GPR158: variants seen among roughly 807,000 people sequenced by gnomAD.
GPR158 encodes G protein-coupled receptor 158.
GPR158 carries 30 observed loss-of-function variants against 78.2 expected under a neutral mutation model. The ratio of observed to expected loss-of-function variants is 0.38; its 90% CI spans 0.29 to 0.52. GPR158 has a LOEUF of 0.52. Ranked by LOEUF, GPR158 falls within the 20% of genes least tolerant of loss-of-function variation. The pLI, the probability that GPR158 is intolerant of heterozygous loss-of-function variation, is 0.83. For missense variants in GPR158, 1,463 were observed against 1,523.5 expected, an observed-to-expected ratio of 0.96 and a Z score of 0.66; for synonymous variants, 581 against 591.1, an observed-to-expected ratio of 0.98 and a Z score of 0.25.
chr10:25,510,378 T>A (rs1286741057), intron 5 of GPR158, among the ~76,000 whole-genome samples: 3 of 152,204 alleles, frequency 2.0e-5, no homozygotes, highest in African/African-American at 2.4e-5. Context: ...GAGCTTCACA[T>A]TTTAATAGAA....
intron 1 of GPR158, among the ~76,000 whole-genome samples, chr10:25,210,389 G>GA (rs1853111158): frequency 6.6e-6 from 1 of 152,126 alleles, no homozygotes; most frequent in Non-Finnish European, 1.5e-5. Context: ...AAATCCAAAA[G>GA]CAGGATTTCT....
chr10:25,258,913 C>A (rs1401187205), intron 2 of GPR158, among the ~76,000 whole-genome samples: 1 of 151,872 alleles, frequency 6.6e-6, no homozygotes, highest in Non-Finnish European at 1.5e-5. Context: ...TATTATATAC[C>A]GTATGCATAT....
chr10:25,191,005 T>C (rs538828183), intron 1 of GPR158, among the ~76,000 whole-genome samples: 1 of 152,346 alleles, frequency 6.6e-6, no homozygotes, highest in African/African-American at 2.4e-5. Context: ...AGGTAAACTT[T>C]TAGGATGGTT....
chr10:25,205,266 G>T (rs1853007049), intron 1 of GPR158, among the ~76,000 whole-genome samples: 1 of 144,676 alleles, frequency 6.9e-6, no homozygotes, highest in African/African-American at 2.7e-5. Context: ...TGTTTATTTG[G>T]ATCTTCTCTT....
intron 5 of GPR158, among the ~76,000 whole-genome samples, chr10:25,532,475 G>T (rs1836437464): frequency 6.6e-6 from 1 of 151,896 alleles, no homozygotes; most frequent in African/African-American, 2.4e-5. Flanking sequence ...GAATTCTTCT[G>T]CATTTTTGTT....
chr10:25,559,020 GCTCT>G (rs1463058260), intron 6 of GPR158, among the ~76,000 whole-genome samples: 10 of 152,158 alleles, frequency 6.6e-5, no homozygotes, highest in Admixed American at 2.0e-4. Context: ...CTACTCATTA[GCTCT>G]CTATTTGTTC....
intron 1 of GPR158, among the ~76,000 whole-genome samples, chr10:25,188,629 A>T (rs1384291161): frequency 6.6e-6 from 1 of 152,206 alleles, no homozygotes; most frequent in African/African-American, 2.4e-5. Flanking sequence ...TACAAAAATT[A>T]ATTCAAGATG....
intron 6 of GPR158, among the ~76,000 whole-genome samples, chr10:25,558,350 T>C (rs1836813166): frequency 6.6e-6 from 1 of 152,228 alleles, no homozygotes; most frequent in African/African-American, 2.4e-5. Flanking sequence ...TTAGCAACTC[T>C]CTGTTCAAAT....
intron 1 of GPR158, among the ~76,000 whole-genome samples, chr10:25,197,508 G>A (rs1001237848): frequency 6.6e-6 from 1 of 152,134 alleles, no homozygotes; most frequent in African/African-American, 2.4e-5. Flanking sequence ...GCATAAAAAA[G>A]AGTATTTAAA....
intron 4 of GPR158, among the ~76,000 whole-genome samples, chr10:25,445,693 C>T (rs1384375752): frequency 1.3e-5 from 2 of 151,546 alleles, no homozygotes; most frequent in African/African-American, 2.4e-5. Flanking sequence ...TTCCAAAGAC[C>T]ATAGGAAGTA....
intron 5 of GPR158, among the ~76,000 whole-genome samples, chr10:25,477,071 A>G (rs112668247): frequency 0.012 from 1,783 of 152,248 alleles, 11 homozygotes; most frequent in Non-Finnish European, 0.017. Flanking sequence ...GTTTTCTTCA[A>G]TGATCACCCC....
At chr10:25,394,143 C>T (rs965857327) in intron 2 of GPR158, among the ~76,000 whole-genome samples, 5 of 152,160 alleles carry the variant, frequency 3.3e-5, no homozygotes, top group African/African-American at 4.8e-5. Context: ...AGGCCAAAAA[C>T]GCTGGAGTCA....
chr10:25,390,435 G>A (rs1016274444), intron 2 of GPR158, among the ~76,000 whole-genome samples: 2 of 152,190 alleles, frequency 1.3e-5, no homozygotes, highest in Non-Finnish European at 2.9e-5. Flanking sequence ...TAGAGATAAG[G>A]AACTTTTTGG....
chr10:25,564,685 C>T lies in GPR158; in HGVS notation c.1515-7964C>T, dbSNP rs571179640. ...AGCATGCAGATGTCTTGAAGGCCGC[C>T]ATTGAGCTCAGGAGCATGAGACGGA... is the stretch of plus-strand genomic sequence containing the variant. On this transcript the variant is annotated intron_variant, in intron 6 of 10. Coordinates refer to ENST00000376351, the MANE Select transcript of GPR158 (RefSeq NM_020752.3). Among the ~76,000 whole-genome samples, 5 of 133,782 alleles carry T rather than the reference C, an allele frequency of 3.7e-5. No homozygotes were observed. In the East Asian group the frequency reaches 7.8e-4, roughly 21 times the overall value. The allele number at this position is 133,782 out of a possible 152,430, so 87.8% of individuals were successfully genotyped here.
chr10:25,303,819 G>C (rs1854631684), intron 2 of GPR158, among the ~76,000 whole-genome samples: 1 of 152,104 alleles, frequency 6.6e-6, no homozygotes, highest in African/African-American at 2.4e-5. Context: ...CTGCCTTTTG[G>C]TCTCCATATT....
chr10:25,241,404 C>CTCTTCTCTTCTCTTT (rs1853626326), intron 2 of GPR158, among the ~76,000 whole-genome samples: 1 of 135,730 alleles, frequency 7.4e-6, no homozygotes, highest in Admixed American at 7.5e-5. Context: ...CTCTTCTCTT[C>CTCTTCTCTTCTCTTT]TCTTCTCTTT....
rs7905216 is a variant in GPR158 at position 25,425,268 on chromosome 10, C to A, written c.1335+12795C>A. 5.9e-4 allele frequency among the ~76,000 whole-genome samples: 90 copies of A among 151,914 alleles called. 1 individual carries two copies. The highest frequency in any genetic ancestry group is 1.2e-3 in the Non-Finnish European group (83 of 67,922). On this transcript the variant is annotated intron_variant, in intron 4 of 10. Coordinates refer to ENST00000376351, the MANE Select transcript of GPR158 (RefSeq NM_020752.3). ...TTGAAGGATTCTCCACACTGTTTTCCATAGTAGTTTTACAAATTTACATTT... is the reference window on the plus strand; with the variant it reads ...TTGAAGGATTCTCCACACTGTTTTCAATAGTAGTTTTACAAATTTACATTT...
At chr10:25,303,078 A>T (rs966299806) in intron 2 of GPR158, among the ~76,000 whole-genome samples, 8 of 152,202 alleles carry the variant, frequency 5.3e-5, no homozygotes, top group African/African-American at 1.9e-4. Context: ...ACAGTTAAGG[A>T]TTCTTACTTG....
At chr10:25,196,757 A>C (rs2130649585) in intron 1 of GPR158, among the ~76,000 whole-genome samples, 1 of 152,336 alleles carries the variant, frequency 6.6e-6, no homozygotes, top group Admixed American at 6.5e-5. Flanking sequence ...ATCTCTGCAG[A>C]AGAGTTCTTG....
Sources: allele counts gnomAD v4.1 joint callset (sites outside exome capture counted in the v4.1 genomes callset), GRCh38; gene constraint gnomAD v4.1.1; transcripts MANE v1.5; gene names NCBI Gene and HGNC (gene_info 2026-07-23, HGNC 2026-07-21).